The following GRID1 variants were observed in gnomAD, a reference collection of about 807,000 sequenced individuals.
GRID1 encodes the protein glutamate ionotropic receptor delta type subunit 1.
GRID1 carries 28 observed loss-of-function variants against 98.0 expected under a neutral mutation model. That is an observed-to-expected ratio of 0.29 (90% confidence interval 0.21 to 0.39). The LOEUF is 0.39. Among genes scored for constraint, GRID1 ranks in the 10% least tolerant of loss-of-function variants. The pLI is 1.00. For synonymous variants in GRID1, 553 were observed against 538.5 expected, an observed-to-expected ratio of 1.03 and a Z score of -0.37; for missense variants, 1,111 against 1,340.5, an observed-to-expected ratio of 0.83 and a Z score of 2.67.
intron 8 of GRID1, among the ~76,000 whole-genome samples, chr10:85,817,093 C>T (rs531023694): frequency 6.6e-6 from 1 of 152,270 alleles, no homozygotes; most frequent in South Asian, 2.1e-4. Context: ...TTACTTTATC[C>T]AGTCTGCCAT....
At chr10:86,054,546 G>A (rs1843547496) in intron 4 of GRID1, among the ~76,000 whole-genome samples, 1 of 152,222 alleles carries the variant, frequency 6.6e-6, no homozygotes, top group Non-Finnish European at 1.5e-5. Context: ...GTGTAAAGGA[G>A]AGAGCAGTGT....
intron 4 of GRID1, among the ~76,000 whole-genome samples, chr10:85,951,104 A>C (rs1289425450): frequency 2.0e-5 from 3 of 152,128 alleles, no homozygotes; most frequent in Non-Finnish European, 4.4e-5. Context: ...TCTTGTTCAC[A>C]GTGACCAGCC....
chr10:85,620,701 G>GTA (rs1323823612), intron 13 of GRID1, among the ~76,000 whole-genome samples: 1 of 152,156 alleles, frequency 6.6e-6, no homozygotes, highest in African/African-American at 2.4e-5. Flanking sequence ...ACATATGAAG[G>GTA]TATGCACATG....
chr10:86,340,334 G>A (rs1013587502), intron 2 of GRID1, among the ~76,000 whole-genome samples: 15 of 152,186 alleles, frequency 9.9e-5, no homozygotes, highest in Non-Finnish European at 1.8e-4. Flanking sequence ...CTAAGGCAAC[G>A]CTTCCCTAAC....
chr10:86,034,751 G>C (rs2063681486), intron 4 of GRID1, among the ~76,000 whole-genome samples: 1 of 152,006 alleles, frequency 6.6e-6, no homozygotes, highest in South Asian at 2.1e-4. Flanking sequence ...GAGAGTTTCT[G>C]AAAATAAGGG....
chr10:85,882,260 A>G (rs569001640), intron 5 of GRID1, among the ~76,000 whole-genome samples: 10 of 152,354 alleles, frequency 6.6e-5, no homozygotes, highest in Non-Finnish European at 1.3e-4. Flanking sequence ...TGACCCAGCC[A>G]TCCCATTACT....
At chr10:85,721,853 G>T (rs546874924) in intron 12 of GRID1, among the ~76,000 whole-genome samples, 1 of 152,232 alleles carries the variant, frequency 6.6e-6, no homozygotes, top group African/African-American at 2.4e-5. Context: ...CATATACACA[G>T]ACACACAGAG....
At chr10:86,285,888 C>T (rs781087186) in intron 2 of GRID1, among the ~76,000 whole-genome samples, 1 of 152,110 alleles carries the variant, frequency 6.6e-6, no homozygotes, top group East Asian at 1.9e-4. Context: ...TGAGCAAAAC[C>T]GTATTTGAGA....
intron 8 of GRID1, among the ~76,000 whole-genome samples, chr10:85,774,081 A>T (rs1004476641): frequency 6.6e-6 from 1 of 152,214 alleles, no homozygotes; most frequent in Non-Finnish European, 1.5e-5. Flanking sequence ...ACTATACTAC[A>T]AGGCTACAGT....
chr10:86,238,102 A>G (rs1846569991), intron 2 of GRID1, among the ~76,000 whole-genome samples: 1 of 152,254 alleles, frequency 6.6e-6, no homozygotes, highest in South Asian at 2.1e-4. Context: ...CACGTGGTAG[A>G]AAAGAAAAAC....
chr10:85,617,755 T>C (rs1473293891), intron 14 of GRID1, among the ~76,000 whole-genome samples: 1 of 152,196 alleles, frequency 6.6e-6, no homozygotes, highest in Admixed American at 6.5e-5. Context: ...ACATGGAAAC[T>C]GGACTAGCCA....
intron 4 of GRID1, among the ~76,000 whole-genome samples, chr10:86,025,663 A>G (rs1438258317): frequency 6.6e-6 from 1 of 152,198 alleles, no homozygotes; most frequent in Non-Finnish European, 1.5e-5. Context: ...TACATATAGT[A>G]AGTGGCAGGG....
At chr10:85,677,349 G>C (rs1468316544) in intron 12 of GRID1, among the ~76,000 whole-genome samples, 1 of 152,182 alleles carries the variant, frequency 6.6e-6, no homozygotes, top group Non-Finnish European at 1.5e-5. Flanking sequence ...AAAAGGGACA[G>C]GCATGAGGCA....
At chr10:86,265,293 G>A (rs929306796) in intron 2 of GRID1, among the ~76,000 whole-genome samples, 3 of 152,186 alleles carry the variant, frequency 2.0e-5, no homozygotes, top group African/African-American at 4.8e-5. Context: ...CCTTGCCCCC[G>A]ACCGATGGCT....
intron 4 of GRID1, among the ~76,000 whole-genome samples, chr10:86,015,954 G>C (rs1392657598): frequency 2.0e-5 from 3 of 152,030 alleles, no homozygotes; most frequent in Non-Finnish European, 2.9e-5. Context: ...GTGGAGGAGT[G>C]GGTCACTGGA....
At chr10:86,198,328 A>AC (rs1028344439) in intron 3 of GRID1, among the ~76,000 whole-genome samples, 1 of 151,818 alleles carries the variant, frequency 6.6e-6, no homozygotes, top group African/African-American at 2.4e-5. Flanking sequence ...GAAAGAGCTG[A>AC]CCCCCAAGCT....
rs142369490 is a variant in GRID1 at position 86,224,546 on chromosome 10, C to T, written c.236-17898G>A. Among the ~76,000 whole-genome samples, 534 of 152,160 alleles carry T rather than the reference C, an allele frequency of 3.5e-3. 6 individuals carry two copies. The highest frequency in any genetic ancestry group is 0.012 in the African/African-American group (507 of 41,498). ...TGGGCAGGATGGGATGTGGGGAGCACAAAAATAGGGGAGACGCACTCTACT... is the reference window on the plus strand; with the variant it reads ...TGGGCAGGATGGGATGTGGGGAGCATAAAAATAGGGGAGACGCACTCTACT... On this transcript the variant is annotated intron_variant, in intron 2 of 15. Coordinates refer to ENST00000327946, the MANE Select transcript of GRID1 (RefSeq NM_017551.3).
intron 5 of GRID1, among the ~76,000 whole-genome samples, chr10:85,890,257 T>C (rs1195712854): frequency 6.6e-6 from 1 of 152,092 alleles, no homozygotes; most frequent in Non-Finnish European, 1.5e-5. Context: ...AACAATAATA[T>C]ACTGTATATT....
At chr10:86,068,576 G>A (rs1466664658) in intron 4 of GRID1, among the ~76,000 whole-genome samples, 1 of 152,184 alleles carries the variant, frequency 6.6e-6, no homozygotes, top group Non-Finnish European at 1.5e-5. Context: ...TGAGGCAAAT[G>A]TTCCCACGTG....
Sources: allele counts gnomAD v4.1 joint callset (sites outside exome capture counted in the v4.1 genomes callset), GRCh38; gene constraint gnomAD v4.1.1; transcripts MANE v1.5; gene names NCBI Gene and HGNC (gene_info 2026-07-23, HGNC 2026-07-21).